LPAR1: variants seen among roughly 807,000 people sequenced by gnomAD.
LPAR1 encodes the protein LPA receptor 1.
Under a neutral mutation model 23.8 loss-of-function variants are expected in LPAR1, and 5 were observed. The ratio of observed to expected loss-of-function variants is 0.21; its 90% CI spans 0.11 to 0.44. LPAR1 has a LOEUF of 0.44. Among genes scored for constraint, LPAR1 ranks in the 20% least tolerant of loss-of-function variants. The pLI is 0.99. For missense variants in LPAR1, 311 were observed against 482.8 expected (o/e 0.64, Z 3.33); for synonymous variants, 160 against 164.7 (o/e 0.97, Z 0.22).
At chr9:110,940,641 T>C (rs1207398372) in intron 5 of LPAR1, among the ~76,000 whole-genome samples, 1 of 152,228 alleles carries the variant, frequency 6.6e-6, no homozygotes, top group African/African-American at 2.4e-5. Flanking sequence ...CCAAAGGAAA[T>C]GTCTGTATCT....
intron 4 of LPAR1, among the ~76,000 whole-genome samples, chr9:110,943,832 C>T (rs2136250467): frequency 6.7e-6 from 1 of 148,396 alleles, no homozygotes; most frequent in Admixed American, 6.8e-5. Context: ...TGCACTCCAG[C>T]CTGAGTAACA....
intron 2 of LPAR1, among the ~76,000 whole-genome samples, chr9:110,998,241 G>A (rs1158354201): frequency 6.6e-6 from 1 of 152,186 alleles, no homozygotes; most frequent in Non-Finnish European, 1.5e-5. Context: ...CAAGACTAAA[G>A]TCTCTGATAA....
intron 5 of LPAR1, among the ~76,000 whole-genome samples, chr9:110,933,474 A>T (rs1280439810): frequency 6.6e-6 from 1 of 152,214 alleles, no homozygotes; most frequent in Non-Finnish European, 1.5e-5. Flanking sequence ...CACTTGAGAA[A>T]GGCCCTATGA....
chr9:110,926,479 G>A (rs2094041029), intron 5 of LPAR1, among the ~76,000 whole-genome samples: 1 of 152,140 alleles, frequency 6.6e-6, no homozygotes, highest in Non-Finnish European at 1.5e-5. Flanking sequence ...ATGCCTACTT[G>A]AAACATTCTT....
chr9:110,981,548 T>A (rs2096666555), intron 2 of LPAR1, among the ~76,000 whole-genome samples: 1 of 151,854 alleles, frequency 6.6e-6, no homozygotes, highest in African/African-American at 2.4e-5. Flanking sequence ...TATACATTTT[T>A]AAATTATAAA....
At chr9:110,993,342 C>A (rs573290395) in intron 2 of LPAR1, among the ~76,000 whole-genome samples, 1 of 152,224 alleles carries the variant, frequency 6.6e-6, no homozygotes, top group South Asian at 2.1e-4. Context: ...GTTCTCATAC[C>A]ACAAACTAAT....
At chr9:110,904,421 A>G (rs1371864379) in intron 5 of LPAR1, among the ~76,000 whole-genome samples, 1 of 152,218 alleles carries the variant, frequency 6.6e-6, no homozygotes, top group Non-Finnish European at 1.5e-5. Context: ...ATATCAGTAG[A>G]CTGTGATAAG....
intron 5 of LPAR1, among the ~76,000 whole-genome samples, chr9:110,906,174 C>G (rs905908490): frequency 1.3e-5 from 2 of 149,680 alleles, no homozygotes; most frequent in African/African-American, 2.4e-5. Context: ...CAAAATTCTC[C>G]CTGCTTATGT....
At position 110,962,069 on chromosome 9, in the gene LPAR1, C is replaced by T. The variant is rs1451776936; in HGVS notation, c.45+10004G>A. On this transcript the variant is annotated intron_variant, in intron 4 of 5. Coordinates refer to ENST00000683809, the MANE Select transcript of LPAR1 (RefSeq NM_001351411.2). ...GCCTTTTCTTCCTCCACTGCCATAG[C>T]ATTGAATTCCCCCCTGTAACTTCAG... 2.0e-5 allele frequency among the ~76,000 whole-genome samples: 3 copies of T among 152,228 alleles called. No homozygotes were observed. In the East Asian group the frequency reaches 5.8e-4, roughly 29 times the overall value.
chr9:110,957,582 T>C (rs559114639), intron 4 of LPAR1, among the ~76,000 whole-genome samples: 89 of 152,086 alleles, frequency 5.9e-4, no homozygotes, highest in Non-Finnish European at 1.1e-3. Flanking sequence ...AAAAGGAACA[T>C]ACCTTAACCT....
chr9:110,956,598 G>GA (rs200768135), intron 4 of LPAR1, among the ~76,000 whole-genome samples: 177 of 148,476 alleles, frequency 1.2e-3, no homozygotes, highest in Middle Eastern at 3.4e-3. Context: ...AATTAGAAAT[G>GA]AAAAAAAAAG....
At chr9:111,024,318 C>T (rs2097637366) in intron 2 of LPAR1, among the ~76,000 whole-genome samples, 1 of 150,530 alleles carries the variant, frequency 6.6e-6, no homozygotes, top group Non-Finnish European at 1.5e-5. Flanking sequence ...ATTCAACTTA[C>T]CAATGAAGAT....
In LPAR1 at chr9:110,892,847, AGG is replaced by A. The variant is rs879599023; in HGVS notation, c.794-17127_794-17126del. ...AAGGAAGGCAGGCAGGCAGGCAGGC[AGG>A]CAGGCAGGCAGGCAGGCATGCAGGC... On this transcript the variant is annotated intron_variant, in intron 5 of 5. Coordinates refer to ENST00000683809, the MANE Select transcript of LPAR1 (RefSeq NM_001351411.2). Among the ~76,000 whole-genome samples the A allele has an allele frequency of 1.9e-3, 229 of 117,926 alleles. 1 individual carries two copies. The highest frequency in any genetic ancestry group is 3.4e-3 in the Non-Finnish European group (172 of 50,038). 77.4% of individuals were successfully genotyped at this position (117,926 alleles called of 152,430 possible). A position where few individuals can be genotyped will look rare whatever the true frequency, so the allele number is the denominator to read the frequency against.
At chr9:110,906,055 G>A (rs1330566778) in intron 5 of LPAR1, among the ~76,000 whole-genome samples, 5 of 152,160 alleles carry the variant, frequency 3.3e-5, no homozygotes, top group Non-Finnish European at 7.3e-5. Flanking sequence ...ACCATAGGTA[G>A]CAATGGATTT....
chr9:110,973,421 T>C (rs1431827004), intron 3 of LPAR1, 60 bp downstream of exon 3: 1 of 152,178 alleles, frequency 6.6e-6, no homozygotes, highest in Non-Finnish European at 1.5e-5. Context: ...ATGTGTTCCC[T>C]GCCTATATCT....
chr9:110,949,367 C>T (rs930298488), intron 4 of LPAR1, among the ~76,000 whole-genome samples: 2 of 152,180 alleles, frequency 1.3e-5, no homozygotes, highest in South Asian at 2.1e-4. Context: ...AAAGACAAAA[C>T]GGAACTGACT....
intron 4 of LPAR1, among the ~76,000 whole-genome samples, chr9:110,957,929 C>T (rs2095817727): frequency 6.6e-6 from 1 of 152,100 alleles, no homozygotes; most frequent in South Asian, 2.1e-4. Context: ...TGTTTTTACA[C>T]ACCAATAATG....
chr9:110,942,028 G>A lies in LPAR1; in HGVS notation c.186C>T (p.Phe62=). The A allele has an allele frequency of 3.7e-6, 6 of 1,614,188 alleles. No homozygotes were observed. Among genetic ancestry groups the A allele is most frequent in the Non-Finnish European group, 5.1e-6 (6 of 1,180,010 alleles). Residue 62 remains phenylalanine, a synonymous_variant, in exon 5 of 6, where the codon TTC becomes TTT. Transcript: ENST00000683809. ...VMGLGITVCI[F]IMLANLLVMV... ...TGACCAATAGGTTGGCCAACATGAT[G>A]AAGATACAAACAGTGATTCCAAGTC...
intron 5 of LPAR1, among the ~76,000 whole-genome samples, chr9:110,916,305 G>A (rs183715074): frequency 1.2e-3 from 177 of 152,258 alleles, no homozygotes; most frequent in South Asian, 8.1e-3. Context: ...TAGGAATGAC[G>A]GAGCTGGGAT....
Sources: allele counts gnomAD v4.1 joint callset (sites outside exome capture counted in the v4.1 genomes callset), GRCh38; gene constraint gnomAD v4.1.1; transcripts MANE v1.5; gene names NCBI Gene and HGNC (gene_info 2026-07-23, HGNC 2026-07-21).